Variants in DOCK3 observed in about 807,000 individuals in gnomAD.
DOCK3 encodes dedicator of cytokinesis 3, also known as dedicator of cytokinesis protein 3.
DOCK3 carries 60 observed loss-of-function variants against 265.6 expected under a neutral mutation model. That is an observed-to-expected ratio of 0.23 (90% confidence interval 0.18 to 0.28). DOCK3 has a LOEUF of 0.28. DOCK3 is among the 10% of genes least tolerant of loss of function. The probability of loss-of-function intolerance (pLI) is 1.00; values close to 1 mark genes in which losing one functional copy is unlikely to be tolerated. For missense variants in DOCK3, 1,981 were observed against 2,594.3 expected, an observed-to-expected ratio of 0.76 and a Z score of 5.14; for synonymous variants, 881 against 938.0, an observed-to-expected ratio of 0.94 and a Z score of 1.11.
intron 27 of DOCK3, among the ~76,000 whole-genome samples, chr3:51,282,708 A>G (rs915107026): frequency 2.6e-5 from 4 of 151,960 alleles, no homozygotes; most frequent in Non-Finnish European, 4.4e-5. Flanking sequence ...TCCCACAAAG[A>G]AAAGCCCAGG....
intron 4 of DOCK3, among the ~76,000 whole-genome samples, chr3:50,917,401 A>G (rs1294118005): frequency 6.6e-6 from 1 of 152,026 alleles, no homozygotes; most frequent in Non-Finnish European, 1.5e-5. Flanking sequence ...TTATTTATCC[A>G]GGTGTCCTAT....
intron 2 of DOCK3, among the ~76,000 whole-genome samples, chr3:50,817,554 C>T (rs2044159684): frequency 6.6e-6 from 1 of 152,084 alleles, no homozygotes; most frequent in African/African-American, 2.4e-5. Flanking sequence ...AGTGTGGCTT[C>T]CCAAAGTGCT....
At chr3:51,349,050 A>C (rs1177567735) in intron 39 of DOCK3, 112 bp downstream of exon 39, 2 of 1,056,114 alleles carry the variant, frequency 1.9e-6, no homozygotes, top group Non-Finnish European at 2.8e-6. Flanking sequence ...AAGAGAAACA[A>C]AAGCCAAGAC....
intron 9 of DOCK3, among the ~76,000 whole-genome samples, chr3:51,126,745 A>G (rs1455725602): frequency 6.6e-6 from 1 of 152,160 alleles, no homozygotes; most frequent in Non-Finnish European, 1.5e-5. Flanking sequence ...CATTTAGTTA[A>G]TTTTCATAAG....
chr3:51,192,214 G>C (rs1281685421), intron 12 of DOCK3, among the ~76,000 whole-genome samples: 2 of 151,114 alleles, frequency 1.3e-5, no homozygotes, highest in Non-Finnish European at 2.9e-5. Flanking sequence ...TATAGTTTCA[G>C]GTCTTATGTT....
At chr3:50,866,829 A>G (rs1226023391) in intron 3 of DOCK3, among the ~76,000 whole-genome samples, 1 of 152,090 alleles carries the variant, frequency 6.6e-6, no homozygotes, top group Non-Finnish European at 1.5e-5. Context: ...TTTGGTTACT[A>G]TAGCTCTGTA....
intron 1 of DOCK3, among the ~76,000 whole-genome samples, chr3:50,762,193 C>T (rs2040576210): frequency 6.6e-6 from 1 of 151,212 alleles, no homozygotes; most frequent in African/African-American, 2.4e-5. Context: ...CAACATGGCA[C>T]ATGTATATAT....
chr3:51,337,637 A>C (rs1187549691), intron 35 of DOCK3, among the ~76,000 whole-genome samples: 2 of 152,082 alleles, frequency 1.3e-5, no homozygotes, highest in Non-Finnish European at 2.9e-5. Flanking sequence ...ATTCTCCTTC[A>C]TCTCCTTGTG....
chr3:51,104,277 C>T (rs948328886), intron 9 of DOCK3, among the ~76,000 whole-genome samples: 1 of 152,088 alleles, frequency 6.6e-6, no homozygotes, highest in Non-Finnish European at 1.5e-5. Flanking sequence ...CAAAGTAGAC[C>T]GTGAAGTCAG....
chr3:50,771,793 C>G (rs1576389831), intron 1 of DOCK3, among the ~76,000 whole-genome samples: 3 of 152,150 alleles, frequency 2.0e-5, no homozygotes, highest in South Asian at 2.1e-4. Flanking sequence ...GGAGCTTGCA[C>G]TGAGCTGAGA....
chr3:50,792,886 C>G (rs926148907), intron 2 of DOCK3, among the ~76,000 whole-genome samples: 3 of 152,016 alleles, frequency 2.0e-5, no homozygotes, highest in African/African-American at 7.2e-5. Context: ...GGCCTGTTCT[C>G]TGCCAGGTTT....
chr3:50,696,945 AAG>A (rs775887601), intron 1 of DOCK3, among the ~76,000 whole-genome samples: 1 of 137,310 alleles, frequency 7.3e-6, no homozygotes, highest in Non-Finnish European at 1.6e-5. Flanking sequence ...TTTTTTTTTT[AAG>A]AGAGAGTCTC....
At chr3:50,895,829 T>G (rs889965658) in intron 4 of DOCK3, among the ~76,000 whole-genome samples, 2 of 152,232 alleles carry the variant, frequency 1.3e-5, no homozygotes, top group African/African-American at 4.8e-5. Flanking sequence ...TCTATGTTGC[T>G]GCAAAGGACA....
chr3:51,255,274 G>A (rs1438805396), intron 22 of DOCK3, among the ~76,000 whole-genome samples: 1 of 152,158 alleles, frequency 6.6e-6, no homozygotes, highest in Non-Finnish European at 1.5e-5. Flanking sequence ...AGGTAACCCA[G>A]TCTTTCTCTC....
intron 21 of DOCK3, among the ~76,000 whole-genome samples, chr3:51,242,306 G>A (rs145907027): frequency 2.7e-4 from 41 of 152,260 alleles, no homozygotes; most frequent in East Asian, 1.9e-4. Flanking sequence ...TGGGTAGGCC[G>A]AGATGCTCCC....
intron 1 of DOCK3, among the ~76,000 whole-genome samples, chr3:50,773,726 T>A (rs149271372): frequency 5.9e-5 from 9 of 152,252 alleles, no homozygotes; most frequent in African/African-American, 1.9e-4. Flanking sequence ...TGTTAATTTG[T>A]GGCTACCTGC....
intron 1 of DOCK3, among the ~76,000 whole-genome samples, chr3:50,741,864 G>T (rs1009439365): frequency 3.3e-5 from 5 of 152,128 alleles, no homozygotes; most frequent in Admixed American, 6.6e-5. Flanking sequence ...ACTTCCACAA[G>T]GGTTGAACTA....
chr3:50,798,113 A>G (rs1456707983), intron 2 of DOCK3, among the ~76,000 whole-genome samples: 1 of 152,216 alleles, frequency 6.6e-6, no homozygotes, highest in Non-Finnish European at 1.5e-5. Flanking sequence ...GGTAGAAAGT[A>G]TTGATCACAG....
chr3:51,183,095 C>A (rs2087398278), intron 12 of DOCK3, among the ~76,000 whole-genome samples: 1 of 152,208 alleles, frequency 6.6e-6, no homozygotes. Context: ...TCTGCCACTT[C>A]CTGTGTGGCC....
Sources: allele counts gnomAD v4.1 joint callset (sites outside exome capture counted in the v4.1 genomes callset), GRCh38; gene constraint gnomAD v4.1.1; transcripts MANE v1.5; gene names NCBI Gene and HGNC (gene_info 2026-07-23, HGNC 2026-07-21).